The following ADAP2 variants were observed in gnomAD, a reference collection of about 807,000 sequenced individuals.
ADAP2 encodes the protein ArfGAP with dual PH domains 2, also known as arf-GAP with dual PH domain-containing protein 2.
Under a neutral mutation model 54.9 loss-of-function variants are expected in ADAP2, and 42 were observed. The observed-to-expected ratio is 0.77, with a 90% CI of 0.60 to 0.99. The LOEUF is 0.99. ADAP2 is among the 50% of genes least tolerant of loss of function. ADAP2 has a pLI of 0.00. For synonymous variants in ADAP2, 177 were observed against 180.1 expected (o/e 0.98, Z 0.14); for missense variants, 429 against 480.4 (o/e 0.89, Z 1.00).
intron 10 of ADAP2, 89 bp downstream of exon 10, chr17:30,956,558 A>G: frequency 8.7e-7 from 1 of 1,149,304 alleles, no homozygotes; most frequent in South Asian, 1.4e-5. Context: ...TTGATACCAC[A>G]AAAGATTCCT....
chr17:30,933,381 T>A (rs1400509444), intron 4 of ADAP2, among the ~76,000 whole-genome samples: 2 of 151,808 alleles, frequency 1.3e-5, no homozygotes, highest in Non-Finnish European at 2.9e-5. Context: ...AGAGTCAGGG[T>A]TTTGCCATGT....
intron 5 of ADAP2, among the ~76,000 whole-genome samples, chr17:30,936,757 A>G (rs929043264): frequency 6.6e-5 from 10 of 152,060 alleles, no homozygotes; most frequent in Admixed American, 6.6e-4. Flanking sequence ...TATTTTAATT[A>G]GGTTATTTGT....
At chr17:30,937,074 C>T (rs933238923) in intron 5 of ADAP2, among the ~76,000 whole-genome samples, 19 of 151,222 alleles carry the variant, frequency 1.3e-4, no homozygotes, top group East Asian at 1.2e-3. Flanking sequence ...ATTACAGGCG[C>T]GCACCACCAT....
chr17:30,953,926 A>G (rs1324050377), intron 8 of ADAP2, among the ~76,000 whole-genome samples: 1 of 151,240 alleles, frequency 6.6e-6, no homozygotes, highest in Non-Finnish European at 1.5e-5. Context: ...AGTGTATTTT[A>G]TGTGTGGCCC....
rs749557788 is a variant in ADAP2, at chr17:30,934,316, G to A, written c.510+19G>A. 7 of 1,562,580 alleles carry A rather than the reference G, an allele frequency of 4.5e-6. No individual in the cohort carries two copies. In the Admixed American group the frequency reaches 1.2e-4, roughly 26 times the overall value. ...GGAACAGGTAAGATGCCAGACCAAT[G>A]AGAGCAGGTCCCTTCCTGAGCACTC... On this transcript the variant is annotated intron_variant, in intron 5 of 10. Coordinates refer to ENST00000330889, the MANE Select transcript of ADAP2 (RefSeq NM_018404.3).
intron 3 of ADAP2, among the ~76,000 whole-genome samples, chr17:30,930,150 C>A (rs1490821701): frequency 3.3e-5 from 5 of 151,964 alleles, no homozygotes; most frequent in African/African-American, 1.2e-4. Context: ...CAGCTGACTG[C>A]AACCTCCACC....
At chr17:30,924,409 C>G (rs1910874832) in intron 2 of ADAP2, among the ~76,000 whole-genome samples, 1 of 151,866 alleles carries the variant, frequency 6.6e-6, no homozygotes, top group Non-Finnish European at 1.5e-5. Flanking sequence ...TTAGTGAAGT[C>G]TTGGACTGGG....
Position 30,958,006 on chromosome 17 carries a change from G to A in ADAP2, c.*137G>A. The A allele has an allele frequency of 1.2e-6, 1 of 846,664 alleles. No individual in the cohort carries two copies. The highest frequency in any genetic ancestry group is 1.5e-5 in the South Asian group (1 of 66,762). The allele number at this position is 846,664 out of a possible 1,614,324, so 52.4% of individuals were successfully genotyped here. The stretch of plus-strand genomic sequence containing the variant: ...CCTGGCAGTGAACTCTGCCAGGACT[G>A]AAGCTGTGGCTTTATCCATCAGCTC... On this transcript the variant is annotated 3_prime_UTR_variant, in exon 11 of 11. Transcript: ENST00000330889.
chr17:30,955,918 A>T (rs967674399), intron 9 of ADAP2, among the ~76,000 whole-genome samples: 3 of 150,766 alleles, frequency 2.0e-5, no homozygotes, highest in African/African-American at 4.9e-5. Flanking sequence ...ATAATTAATA[A>T]TTTTTTTTTG....
chr17:30,928,277 C>G (rs977935957), intron 3 of ADAP2, among the ~76,000 whole-genome samples: 1 of 150,716 alleles, frequency 6.6e-6, no homozygotes, highest in African/African-American at 2.4e-5. Flanking sequence ...GGGCGGATCA[C>G]TCGAGGCCAG....
At chr17:30,951,062 C>G (rs1904592252) in intron 7 of ADAP2, among the ~76,000 whole-genome samples, 2 of 152,154 alleles carry the variant, frequency 1.3e-5, no homozygotes, top group Non-Finnish European at 2.9e-5. Context: ...ATCACCAGGC[C>G]TGGCTCAAGC....
At chr17:30,924,482 CACTTTG>C (rs1910878689) in intron 2 of ADAP2, among the ~76,000 whole-genome samples, 3 of 152,080 alleles carry the variant, frequency 2.0e-5, no homozygotes, top group Admixed American at 2.0e-4. Context: ...GAAAGAGGAC[CACTTTG>C]CTCTCCTGCC....
At chr17:30,922,227 T>C (rs1598017875) in intron 1 of ADAP2, 119 bp downstream of exon 1, 1 of 668,792 alleles carries the variant, frequency 1.5e-6, no homozygotes, top group Non-Finnish European at 2.0e-6. Context: ...ACGTGGCACC[T>C]GCGGGCCCCG....
rs577012674 is a variant in ADAP2 at position 30,948,470 on chromosome 17, T to C, written c.658-817T>C. Among the ~76,000 whole-genome samples the C allele has an allele frequency of 4.2e-4, 64 of 151,626 alleles. 2 individuals carry two copies. In the South Asian group the frequency reaches 0.013, roughly 31 times the overall value. Reference sequence around the variant, plus strand: ...CTGTAGTCCCAGCTACTCGGGAGGCTGAGGCAGGAGAATGGTGTGAACCCA... The same window carrying C: ...CTGTAGTCCCAGCTACTCGGGAGGCCGAGGCAGGAGAATGGTGTGAACCCA... On this transcript the variant is annotated intron_variant, in intron 6 of 10. Coordinates refer to ENST00000330889, the MANE Select transcript of ADAP2 (RefSeq NM_018404.3).
chr17:30,934,372 T>C lies in ADAP2; in HGVS notation c.510+75T>C, dbSNP rs1911721044. On this transcript the variant is annotated intron_variant, in intron 5 of 10. Transcript: ENST00000330889. Reference sequence around the variant, plus strand: ...CGACTAAGGTCTACATTCTAATCAGTGGTGCCCTTTTCTTGTAGATAATCT... The same window carrying C: ...CGACTAAGGTCTACATTCTAATCAGCGGTGCCCTTTTCTTGTAGATAATCT... 4.1e-6 allele frequency: 4 copies of C among 976,292 alleles called. No homozygotes were observed. In the South Asian group the frequency reaches 6.3e-5, roughly 15 times the overall value. The allele number at this position is 976,292 out of a possible 1,614,324, so 60.5% of individuals were successfully genotyped here.
At position 30,924,884 on chromosome 17, in the gene ADAP2, T is replaced by G. The variant is rs528379155; in HGVS notation, c.225+1814T>G. Reference sequence around the variant, plus strand: ...CTTTTTTGTTTTTTTTGTTTTTTTTTTTTTTGAGACGGAGTTTCACTCTTG... The same window carrying G: ...CTTTTTTGTTTTTTTTGTTTTTTTTGTTTTTGAGACGGAGTTTCACTCTTG... On this transcript the variant is annotated intron_variant, in intron 2 of 10. Transcript: ENST00000330889. Among the ~76,000 whole-genome samples, 221 of 151,638 alleles carry G rather than the reference T, an allele frequency of 1.5e-3. 3 individuals carry two copies. Among genetic ancestry groups the G allele is most frequent in the African/African-American group, 4.8e-3 (198 of 41,348 alleles).
chr17:30,928,323 C>G (rs1282498113), intron 3 of ADAP2, among the ~76,000 whole-genome samples: 1 of 151,700 alleles, frequency 6.6e-6, no homozygotes, highest in Non-Finnish European at 1.5e-5. Flanking sequence ...TAGTGAAACC[C>G]CGTCTCTACT....
Position 30,925,567 on chromosome 17 carries a change from C to CTCTTT in ADAP2, c.226-1239_226-1235dup, listed in dbSNP as rs747916481. Among the ~76,000 whole-genome samples the CTCTTT allele has an allele frequency of 6.6e-3, 980 of 148,002 alleles. 5 individuals carry two copies. The highest frequency in any genetic ancestry group is 0.014 in the African/African-American group (567 of 40,384). ...CTTCTTCCTTCTTCTTCTTCTTCTT[C>CTCTTT]TCTTTTCTTTTCTTTTCTTTTCTTT... is the stretch of plus-strand genomic sequence containing the variant. On this transcript the variant is annotated intron_variant, in intron 2 of 10. Coordinates refer to ENST00000330889, the MANE Select transcript of ADAP2 (RefSeq NM_018404.3).
At chr17:30,944,301 A>T (rs6505220) in intron 5 of ADAP2, among the ~76,000 whole-genome samples, 88,093 of 152,022 alleles carry the variant, frequency 0.58, 28,410 homozygotes, top group African/African-American at 0.88. Context: ...ATGTTCTAAC[A>T]TATAAATGGA....
Sources: gnomAD v4.1 joint callset for allele counts (sites outside exome capture counted in the v4.1 genomes callset) on GRCh38, gnomAD v4.1.1 for gene constraint, MANE v1.5 for transcripts, NCBI Gene and HGNC (gene_info 2026-07-23, HGNC 2026-07-21) for gene names.